KLHL26: variants seen among roughly 807,000 people sequenced by gnomAD.
KLHL26 encodes the protein kelch-like protein 26.
Under a neutral mutation model 7.1 loss-of-function variants are expected in KLHL26, and 4 were observed. The observed-to-expected ratio is 0.56, with a 90% CI of 0.28 to 1.28. The LOEUF is 1.28. Ranked by LOEUF, KLHL26 falls within the 50% of genes most tolerant of loss-of-function variation. The pLI is 0.11. For missense variants in KLHL26, 896 were observed against 924.6 expected (o/e 0.97, Z 0.40); for synonymous variants, 465 against 414.1 (o/e 1.12, Z -1.49).
rs970485880 is a variant in KLHL26 at position 18,646,994 on chromosome 19, G to A, written c.83+9857G>A. ...GGCGGGGGGTGGCGCGTCTCAGCAG[G>A]GATGGGGGCAGGTGGAACTGGGCCA... On this transcript the variant is annotated intron_variant, in intron 1 of 2. Transcript: ENST00000300976. This position sits in a 1 kb window ranked among gnomAD's most constrained non-coding sequence, Gnocchi z 5.0. Among the ~76,000 whole-genome samples the A allele has an allele frequency of 3.3e-5, 5 of 152,036 alleles. No individual in the cohort carries two copies. The highest frequency in any genetic ancestry group is 9.7e-5 in the African/African-American group (4 of 41,410).
chr19:18,664,885 C>T (rs1471910991), intron 2 of KLHL26, among the ~76,000 whole-genome samples: 1 of 151,356 alleles, frequency 6.6e-6, no homozygotes, highest in East Asian at 2.0e-4. Context: ...CTCCGGGCCC[C>T]TTCTGATTTT....
At chr19:18,645,948 C>T (rs1357131504) in intron 1 of KLHL26, among the ~76,000 whole-genome samples, 7 of 152,072 alleles carry the variant, frequency 4.6e-5, no homozygotes. Context: ...GGCTGGGTGG[C>T]CTTTGCCTGT....
chr19:18,655,076 CAGGTGGGGATCAGGG>C (rs1483830413), intron 1 of KLHL26, among the ~76,000 whole-genome samples: 3 of 152,152 alleles, frequency 2.0e-5, no homozygotes, highest in Non-Finnish European at 4.4e-5. Flanking sequence ...AAAAATGGCC[CAGGTGGGGATCAGGG>C]AGGTGGGGTG....
At chr19:18,667,542 T>C (rs1432349434) in intron 2 of KLHL26, 122 bp from the exon 3 acceptor site, 1 of 1,463,094 alleles carries the variant, frequency 6.8e-7, no homozygotes, top group Non-Finnish European at 9.0e-7. Context: ...CCTACTTTCC[T>C]CTTGCTGGCT....
In KLHL26 at chr19:18,668,792, G is replaced by A. The variant is rs112689919; in HGVS notation, c.1395G>A (p.Ser465=). 2.8e-5 allele frequency: 45 copies of A among 1,595,940 alleles called. No individual in the cohort carries two copies. In the African/African-American group the frequency reaches 3.7e-4, roughly 13 times the overall value. The part of the protein sequence containing the change: ...GAASGGRLYI[S]GGYGISVEDK... ...CCTCAGGGGGCCGCCTCTACATCTC[G>A]GGTGGCTACGGGATCTCAGTGGAGG... The change falls in exon 3 of 3, where the codon TCG becomes TCA. Residue 465 remains serine, a synonymous_variant. Transcript: ENST00000300976.
At position 18,649,648 on chromosome 19, in the gene KLHL26, G is replaced by T. The variant is rs992344074; in HGVS notation, c.83+12511G>T. 1.3e-5 allele frequency among the ~76,000 whole-genome samples: 2 copies of T among 152,350 alleles called. No homozygotes were observed. The highest frequency in any genetic ancestry group is 1.9e-4 in the East Asian group (1 of 5,186). ...TGAAGTGGAAGTGGGGGCCAAGCCC[G>T]CTGGGTTCCCGCTGCCGGCAGCCCC... On this transcript the variant is annotated intron_variant, in intron 1 of 2. Transcript: ENST00000300976. The surrounding 1 kb of genome is among the most constrained non-coding windows in gnomAD (Gnocchi z 4.0).
In KLHL26 at chr19:18,670,336, T is replaced by C. The variant is rs1421259947; in HGVS notation, c.*1091T>C. The C allele has an allele frequency of 6.6e-6, 1 of 150,452 alleles. No homozygotes were observed. The highest frequency in any genetic ancestry group is 1.5e-5 in the Non-Finnish European group (1 of 67,220). 9.3% of individuals were successfully genotyped at this position (150,452 alleles called of 1,614,324 possible). A position where few individuals can be genotyped will look rare whatever the true frequency, so the allele number is the denominator to read the frequency against. ...CAGCACTGCTGTCTCATAGATGGGA[T>C]TTGTACTCTTGGGGCAACTTAAAGT... On this transcript the variant is annotated 3_prime_UTR_variant, in exon 3 of 3. Coordinates refer to ENST00000300976, the MANE Select transcript of KLHL26 (RefSeq NM_018316.3).
At chr19:18,660,352 A>G (rs1600703241) in intron 1 of KLHL26, among the ~76,000 whole-genome samples, 1 of 152,310 alleles carries the variant, frequency 6.6e-6, no homozygotes, top group East Asian at 1.9e-4. Flanking sequence ...AGATTCGGGC[A>G]GAGGGTGCAG....
chr19:18,664,500 G>C (rs1568462450), intron 2 of KLHL26, 57 bp downstream of exon 2: 1 of 1,398,710 alleles, frequency 7.1e-7, no homozygotes, highest in Non-Finnish European at 9.6e-7. Flanking sequence ...ACAGGGACAG[G>C]GCAGATGGCA....
At chr19:18,642,937 G>A (rs1428464722) in intron 1 of KLHL26, among the ~76,000 whole-genome samples, 1 of 151,780 alleles carries the variant, frequency 6.6e-6, no homozygotes, top group Admixed American at 6.6e-5. Context: ...GGGTTTAAGC[G>A]ATTCTCCTGC....
intron 1 of KLHL26, among the ~76,000 whole-genome samples, chr19:18,639,301 C>T (rs1976671169): frequency 6.6e-6 from 1 of 151,616 alleles, no homozygotes; most frequent in African/African-American, 2.4e-5. Context: ...GTCTGGCATT[C>T]CTGAGCTCAG....
chr19:18,664,534 C>A, intron 2 of KLHL26, 91 bp downstream of exon 2: 2 of 1,035,244 alleles, frequency 1.9e-6, no homozygotes, highest in South Asian at 1.7e-5. Context: ...GGGGGCCTGT[C>A]TCAGCGCTAC....
Position 18,668,041 on chromosome 19 carries a change from G to C in KLHL26, c.644G>C (p.Ser215Thr). ...PLERLVFFLQ[S>T]NRLQSCAEID... Reference sequence around the variant, plus strand: ...GAGCGCCTGGTCTTCTTCCTGCAGAGCAACCGGCTGCAGAGCTGTGCCGAG... The same window carrying C: ...GAGCGCCTGGTCTTCTTCCTGCAGACCAACCGGCTGCAGAGCTGTGCCGAG... Residue 215 changes from serine (S) to threonine (T), a missense_variant, in exon 3 of 3, where the codon AGC (serine) becomes ACC (threonine). Physicochemically the swap from Ser to Thr is moderately conservative, Grantham distance 58 (BLOSUM62 1). Transcript: ENST00000300976. 1 of 1,608,192 alleles carries C rather than the reference G, an allele frequency of 6.2e-7. No homozygotes were observed. Among genetic ancestry groups the C allele is most frequent in the Non-Finnish European group, 8.5e-7 (1 of 1,179,938 alleles).
Position 18,667,803 on chromosome 19 carries a change from GT to G in KLHL26, c.407del (p.Val136GlyfsTer21). 6.2e-7 allele frequency: 1 copy of G among 1,613,416 alleles called. No homozygotes were observed. The highest frequency in any genetic ancestry group is 8.5e-7 in the Non-Finnish European group (1 of 1,179,986). On this transcript the variant is annotated frameshift_variant, in exon 3 of 3. Transcript: ENST00000300976. LOFTEE classifies it low-confidence loss of function (END_TRUNC). ...ACTGGACCTGGACTGCGTGCAGGAC[GT>G]GCTGGGCGCGGCCGTGTTCTTGCAG... ...VTLDLDCVQD[V>X]LGAAVFLQML...
At chr19:18,663,834 T>C (rs942892281) in intron 1 of KLHL26, among the ~76,000 whole-genome samples, 1 of 149,726 alleles carries the variant, frequency 6.7e-6, no homozygotes, top group Non-Finnish European at 1.5e-5. Context: ...GCTCGTATAC[T>C]CTGGGGTGCA....
intron 1 of KLHL26, among the ~76,000 whole-genome samples, chr19:18,653,276 CCACT>C (rs1243471581): frequency 1.3e-5 from 2 of 151,532 alleles, no homozygotes; most frequent in Non-Finnish European, 2.9e-5. Context: ...TATCTGCCAC[CCACT>C]CACTCCTTCT....
Position 18,669,695 on chromosome 19 carries a change from G to A in KLHL26, c.*450G>A, listed in dbSNP as rs542369750. 2.2e-5 allele frequency: 5 copies of A among 231,438 alleles called. No homozygotes were observed. The highest frequency in any genetic ancestry group is 3.3e-5 in the Non-Finnish European group (4 of 119,740). The allele number at this position is 231,438 out of a possible 1,614,324, so 14.3% of individuals were successfully genotyped here. ...CTCACCCTCCTTCCAAGTCTCCTGC[G>A]CGCGTGTTTTTAAAATAAACTCACC... On this transcript the variant is annotated 3_prime_UTR_variant, in exon 3 of 3. Coordinates refer to ENST00000300976, the MANE Select transcript of KLHL26 (RefSeq NM_018316.3).
At chr19:18,642,450 T>G (rs1304812228) in intron 1 of KLHL26, among the ~76,000 whole-genome samples, 1 of 150,084 alleles carries the variant, frequency 6.7e-6, no homozygotes, top group African/African-American at 2.5e-5. Flanking sequence ...AACCTCCACC[T>G]CCCGGGCTCA....
rs775844032 is a variant in KLHL26 at position 18,668,844 on chromosome 19, C to A, written c.1447C>A (p.Pro483Thr). 1 of 1,592,552 alleles carries A rather than the reference C, an allele frequency of 6.3e-7. No individual in the cohort carries two copies. The highest frequency in any genetic ancestry group is 8.5e-7 in the Non-Finnish European group (1 of 1,175,428). Residue 483 changes from proline (P) to threonine (T), a missense_variant, in exon 3 of 3, where the codon CCC (proline) becomes ACC (threonine). Transcript: ENST00000300976. ...EDKKALHCYD[P>T]VADQWEFKAP... ...CAAGAAGGCCCTGCACTGCTACGAC[C>A]CCGTGGCCGACCAGTGGGAGTTCAA...
Sources: allele counts gnomAD v4.1 joint callset (sites outside exome capture counted in the v4.1 genomes callset), GRCh38; gene constraint gnomAD v4.1.1; non-coding constraint Gnocchi (gnomAD v3.1); transcripts MANE v1.5; gene names NCBI Gene and HGNC (gene_info 2026-07-23, HGNC 2026-07-21).